Variants in CUL1 observed in about 807,000 individuals in gnomAD.
CUL1 encodes cullin-1.
Under a neutral mutation model 118.0 loss-of-function variants are expected in CUL1, and 24 were observed. That is an observed-to-expected ratio of 0.20 (90% CI 0.15 to 0.29). The LOEUF is 0.29. Among genes scored for constraint, CUL1 ranks in the 10% least tolerant of loss-of-function variants. The probability of loss-of-function intolerance (pLI) is 1.00; values close to 1 mark genes in which losing one functional copy is unlikely to be tolerated. For missense variants in CUL1, 361 were observed against 933.8 expected, an observed-to-expected ratio of 0.39 and a Z score of 7.99; for synonymous variants, 332 against 340.4, an observed-to-expected ratio of 0.98 and a Z score of 0.27.
chr7:148,745,079 G>T (rs896026767), intron 2 of CUL1, among the ~76,000 whole-genome samples: 18 of 151,862 alleles, frequency 1.2e-4, no homozygotes, highest in Non-Finnish European at 2.1e-4. Context: ...CCTCTCAAGA[G>T]TTGATCGTTT....
chr7:148,716,068 C>T (rs1425853884), intron 1 of CUL1, among the ~76,000 whole-genome samples: 2 of 152,070 alleles, frequency 1.3e-5, no homozygotes, highest in Non-Finnish European at 2.9e-5. Context: ...ATATTGTTGC[C>T]GGGTAATTAC....
At chr7:148,725,223 A>G (rs34702366) in intron 1 of CUL1, among the ~76,000 whole-genome samples, 9,049 of 128,406 alleles carry the variant, frequency 0.07, 334 homozygotes, top group African/African-American at 0.1. Context: ...GCGCGCGCTC[A>G]CACACACACA....
intron 9 of CUL1, among the ~76,000 whole-genome samples, chr7:148,775,558 G>C (rs1800366936): frequency 6.6e-6 from 1 of 152,130 alleles, no homozygotes; most frequent in Admixed American, 6.6e-5. Flanking sequence ...AGTGGATGTT[G>C]GAAAGGAGAA....
At chr7:148,720,061 C>T (rs1480408288) in intron 1 of CUL1, among the ~76,000 whole-genome samples, 3 of 152,186 alleles carry the variant, frequency 2.0e-5, no homozygotes, top group South Asian at 4.1e-4. Context: ...CAGAGTCTAG[C>T]GTAGCAGCTA....
At chr7:148,753,553 T>G (rs1799561986) in intron 2 of CUL1, among the ~76,000 whole-genome samples, 1 of 152,246 alleles carries the variant, frequency 6.6e-6, no homozygotes, top group African/African-American at 2.4e-5. Flanking sequence ...ATTTCAATAT[T>G]TAGAATCTGT....
In CUL1 at chr7:148,776,051, G is replaced by A. The variant is rs200131911; in HGVS notation, c.1084-7732G>A. 2.2e-3 allele frequency among the ~76,000 whole-genome samples: 339 copies of A among 151,726 alleles called. 4 individuals are homozygous for A. The East Asian group carries it at 0.023, about 10-fold the overall frequency. ...TTTTATCTGATTTCTTAAATATCCG[G>A]TCAACTGCTAATTTGTCAGATGTCA... On this transcript the variant is annotated intron_variant, in intron 9 of 21. Coordinates refer to ENST00000325222, the MANE Select transcript of CUL1 (RefSeq NM_003592.3).
At chr7:148,771,148 A>G (rs1229830639) in intron 9 of CUL1, among the ~76,000 whole-genome samples, 1 of 152,178 alleles carries the variant, frequency 6.6e-6, no homozygotes, top group Non-Finnish European at 1.5e-5. Flanking sequence ...AGAACACTAT[A>G]TATGTTACAC....
intron 3 of CUL1, among the ~76,000 whole-genome samples, chr7:148,754,678 C>T (rs1799600228): frequency 1.3e-5 from 2 of 152,068 alleles, no homozygotes; most frequent in African/African-American, 4.8e-5. Flanking sequence ...TAAGGTTATT[C>T]AGTCTTGGAA....
chr7:148,734,746 T>C (rs527950318), intron 2 of CUL1, among the ~76,000 whole-genome samples: 128 of 152,254 alleles, frequency 8.4e-4, no homozygotes, highest in Non-Finnish European at 1.0e-3. Context: ...GGGGATGCAG[T>C]GAAGTATGAG....
chr7:148,701,442 C>G (rs1797719044), intron 1 of CUL1, among the ~76,000 whole-genome samples: 1 of 152,148 alleles, frequency 6.6e-6, no homozygotes, highest in African/African-American at 2.4e-5. Context: ...GCCAAGAAAA[C>G]AGGTTGTGAA....
intron 1 of CUL1, among the ~76,000 whole-genome samples, chr7:148,713,983 G>T (rs1445153000): frequency 6.6e-6 from 1 of 152,190 alleles, no homozygotes; most frequent in South Asian, 2.1e-4. Context: ...GCCTCCCAAA[G>T]TTCTGGGATT....
intron 1 of CUL1, among the ~76,000 whole-genome samples, chr7:148,715,385 G>C (rs967305447): frequency 5.9e-5 from 9 of 151,868 alleles, no homozygotes; most frequent in Admixed American, 5.9e-4. Context: ...CTTGAAGGCC[G>C]TGGCTCCTGG....
chr7:148,724,776 C>T (rs1034628849), intron 1 of CUL1, among the ~76,000 whole-genome samples: 1 of 152,178 alleles, frequency 6.6e-6, no homozygotes, highest in African/African-American at 2.4e-5. Context: ...GCAACTCCTG[C>T]GATGCCAAGG....
At chr7:148,750,264 C>T (rs550070899) in intron 2 of CUL1, among the ~76,000 whole-genome samples, 1 of 151,552 alleles carries the variant, frequency 6.6e-6, no homozygotes, top group South Asian at 2.1e-4. Context: ...GTCAAAACAT[C>T]CTTCTACTGG....
At chr7:148,734,013 G>A (rs1400862982) in intron 2 of CUL1, among the ~76,000 whole-genome samples, 1 of 149,662 alleles carries the variant, frequency 6.7e-6, no homozygotes, top group African/African-American at 2.5e-5. Context: ...GTGAAAGAAG[G>A]GAATTTTGGA....
intron 1 of CUL1, among the ~76,000 whole-genome samples, chr7:148,712,203 G>A (rs1798074022): frequency 6.6e-6 from 1 of 152,210 alleles, no homozygotes; most frequent in Non-Finnish European, 1.5e-5. Context: ...AAAGTCAGTG[G>A]GTTTCATACA....
At chr7:148,751,579 G>A (rs369214545) in intron 2 of CUL1, among the ~76,000 whole-genome samples, 13 of 146,874 alleles carry the variant, frequency 8.9e-5, no homozygotes, top group African/African-American at 3.3e-4. Context: ...TTGTCACTTA[G>A]TATTTCTGTG....
intron 9 of CUL1, among the ~76,000 whole-genome samples, chr7:148,773,149 C>G (rs1312760483): frequency 1.3e-5 from 2 of 152,104 alleles, no homozygotes; most frequent in African/African-American, 4.8e-5. Context: ...TTCTTTTCAT[C>G]CTTTGTTTTA....
chr7:148,699,966 G>A (rs1027351058), intron 1 of CUL1, among the ~76,000 whole-genome samples: 9 of 152,138 alleles, frequency 5.9e-5, no homozygotes, highest in African/African-American at 2.2e-4. Context: ...GTGCAGTATT[G>A]TGTAGCGCAG....
Sources: gnomAD v4.1 joint callset for allele counts (sites outside exome capture counted in the v4.1 genomes callset) on GRCh38, gnomAD v4.1.1 for gene constraint, MANE v1.5 for transcripts, NCBI Gene and HGNC (gene_info 2026-07-23, HGNC 2026-07-21) for gene names.